FNDC3A: variants seen among roughly 807,000 people sequenced by gnomAD.
The protein encoded by FNDC3A is fibronectin type III domain containing 3A, also known as fibronectin type-III domain-containing protein 3A.
Under a neutral mutation model 148.9 loss-of-function variants are expected in FNDC3A, and 32 were observed. That is an observed-to-expected ratio of 0.21 (90% CI 0.16 to 0.29). The LOEUF is 0.29. Among genes scored for constraint, FNDC3A ranks in the 10% least tolerant of loss-of-function variants. The pLI, the probability that FNDC3A is intolerant of heterozygous loss-of-function variation, is 1.00. For missense variants in FNDC3A, 1,191 were observed against 1,452.8 expected, an observed-to-expected ratio of 0.82 and a Z score of 2.93; for synonymous variants, 472 against 473.6, an observed-to-expected ratio of 1.00 and a Z score of 0.04.
At chr13:48,992,729 G>A (rs577284749) in intron 1 of FNDC3A, among the ~76,000 whole-genome samples, 1 of 152,110 alleles carries the variant, frequency 6.6e-6, no homozygotes, top group East Asian at 1.9e-4. Flanking sequence ...CCTCAGTAAA[G>A]CTATTTCAAA....
In FNDC3A at chr13:49,025,344, T is replaced by G. The variant is rs189988089; in HGVS notation, c.99+19055T>G. Among the ~76,000 whole-genome samples, 4 of 152,182 alleles carry G rather than the reference T, an allele frequency of 2.6e-5. No homozygotes were observed. The East Asian group carries it at 7.7e-4, about 29-fold the overall frequency. On this transcript the variant is annotated intron_variant, in intron 2 of 25. Coordinates refer to ENST00000492622, the MANE Select transcript of FNDC3A (RefSeq NM_001079673.2). ...CTTGATATACTTGAAAAATGTATAT[T>G]CTAATATTTTCTTTTTTCAAGATTT...
intron 2 of FNDC3A, among the ~76,000 whole-genome samples, chr13:49,026,786 G>C (rs1425030859): frequency 6.6e-6 from 1 of 152,136 alleles, no homozygotes; most frequent in Non-Finnish European, 1.5e-5. Context: ...TATATTCTAA[G>C]TTTTAGATTT....
intron 2 of FNDC3A, among the ~76,000 whole-genome samples, chr13:49,047,514 T>C (rs991651449): frequency 2.0e-5 from 3 of 152,192 alleles, no homozygotes; most frequent in African/African-American, 7.2e-5. Context: ...TGGTATTGCA[T>C]TGTGGTTTTA....
intron 2 of FNDC3A, among the ~76,000 whole-genome samples, chr13:49,066,632 C>A (rs958732783): frequency 6.6e-6 from 1 of 151,474 alleles, no homozygotes; most frequent in African/African-American, 2.4e-5. Flanking sequence ...AGTGGTGAAG[C>A]ATATTGAAAG....
At chr13:49,167,193 G>A (rs762855099) in intron 8 of FNDC3A, 51 bp from the exon 9 acceptor site, 1 of 1,169,178 alleles carries the variant, frequency 8.6e-7, no homozygotes, top group African/African-American at 1.5e-5. Context: ...ATGTACATTG[G>A]TTGAAAATGC....
intron 23 of FNDC3A, 120 bp from the exon 24 acceptor site, chr13:49,201,679 TG>T (rs1886424027): frequency 2.3e-6 from 1 of 435,726 alleles, no homozygotes; most frequent in African/African-American, 2.0e-5. Flanking sequence ...ATCAAACTTT[TG>T]GGGTAACTTA....
intron 4 of FNDC3A, among the ~76,000 whole-genome samples, chr13:49,129,706 AGGCATTAT>A (rs1881914482): frequency 6.6e-6 from 1 of 152,212 alleles, no homozygotes; most frequent in African/African-American, 2.4e-5. Flanking sequence ...GCTGAAAACA[AGGCATTAT>A]GGTTCTAGAC....
chr13:49,151,344 T>G (rs1466818761), intron 8 of FNDC3A, among the ~76,000 whole-genome samples: 1 of 152,202 alleles, frequency 6.6e-6, no homozygotes, highest in African/African-American at 2.4e-5. Context: ...AATGATTTTG[T>G]CTCTTTTTAC....
chr13:49,063,579 T>G (rs1362990693), intron 2 of FNDC3A, among the ~76,000 whole-genome samples: 2 of 152,208 alleles, frequency 1.3e-5, no homozygotes, highest in African/African-American at 4.8e-5. Context: ...AGAAATTACA[T>G]TAATATAACA....
chr13:49,070,438 T>A (rs1206450865), intron 2 of FNDC3A, among the ~76,000 whole-genome samples: 1 of 152,344 alleles, frequency 6.6e-6, no homozygotes, highest in Admixed American at 6.5e-5. Context: ...CAGAGTTTTT[T>A]AATACTAAGC....
intron 2 of FNDC3A, among the ~76,000 whole-genome samples, chr13:49,043,122 G>GTT (rs759290195): frequency 3.7e-4 from 51 of 136,462 alleles, no homozygotes; most frequent in African/African-American, 9.4e-4. Context: ...CACCCAGCCA[G>GTT]TTTTTTTTTT....
chr13:49,119,163 G>T (rs892474058), intron 4 of FNDC3A, among the ~76,000 whole-genome samples: 1 of 152,172 alleles, frequency 6.6e-6, no homozygotes, highest in South Asian at 2.1e-4. Flanking sequence ...GAAAGAACAG[G>T]CAGCAGTCTT....
intron 2 of FNDC3A, among the ~76,000 whole-genome samples, chr13:49,009,974 C>T (rs1289937932): frequency 1.3e-5 from 2 of 152,004 alleles, no homozygotes; most frequent in African/African-American, 2.4e-5. Context: ...TTTTAATTTA[C>T]GGAAGTAACT....
chr13:49,071,683 A>G (rs2137768917), intron 2 of FNDC3A, among the ~76,000 whole-genome samples: 1 of 149,612 alleles, frequency 6.7e-6, no homozygotes, highest in South Asian at 2.1e-4. Context: ...CTTTTGAGAA[A>G]TGTCTACTCA....
intron 2 of FNDC3A, among the ~76,000 whole-genome samples, chr13:49,043,433 A>G (rs1481332005): frequency 6.6e-6 from 1 of 152,184 alleles, no homozygotes; most frequent in Non-Finnish European, 1.5e-5. Flanking sequence ...TTAAAATGAA[A>G]GTATAGATTT....
intron 19 of FNDC3A, among the ~76,000 whole-genome samples, chr13:49,191,622 G>A (rs879362575): frequency 1.3e-5 from 2 of 152,130 alleles, no homozygotes; most frequent in Non-Finnish European, 2.9e-5. Flanking sequence ...TTGGACTTCA[G>A]CTGGGCTAGA....
At chr13:48,980,538 A>G (rs1445047515) in intron 1 of FNDC3A, among the ~76,000 whole-genome samples, 6 of 152,210 alleles carry the variant, frequency 3.9e-5, no homozygotes, top group Non-Finnish European at 7.4e-5. Flanking sequence ...CACGGAAGAA[A>G]GACCTAGAGA....
In FNDC3A at chr13:49,175,433, A is replaced by G. The variant is rs891042946; in HGVS notation, c.1422A>G (p.Val474=). 5.0e-6 allele frequency: 8 copies of G among 1,613,262 alleles called. No individual in the cohort carries two copies. The African/African-American group carries it at 1.1e-4, about 22-fold the overall frequency. The change falls in exon 13 of 26, where the codon GTA becomes GTG. Residue 474 remains valine, a synonymous_variant. Transcript: ENST00000492622. ...GCAPSMPASP[V]LTKAGITWLS... ...CTCCTTCTATGCCAGCAAGTCCTGT[A>G]TTAACCAAGGCTGGAATTACTTGGT... is the stretch of plus-strand genomic sequence containing the variant.
chr13:48,985,638 G>C (rs911550578), intron 1 of FNDC3A, among the ~76,000 whole-genome samples: 3 of 152,008 alleles, frequency 2.0e-5, no homozygotes, highest in Non-Finnish European at 4.4e-5. Context: ...CATACACAAA[G>C]ACACAATTCA....
Sources: gnomAD v4.1 joint callset for allele counts (sites outside exome capture counted in the v4.1 genomes callset) on GRCh38, gnomAD v4.1.1 for gene constraint, MANE v1.5 for transcripts, NCBI Gene and HGNC (gene_info 2026-07-23, HGNC 2026-07-21) for gene names.